The following PSG8 variants were observed in gnomAD, a reference collection of about 807,000 sequenced individuals.
The protein encoded by PSG8 is pregnancy-specific beta-1-glycoprotein 8.
In PSG8, 57 loss-of-function variants were observed where a neutral mutation model predicts 42.5. The ratio of observed to expected loss-of-function variants is 1.34; its 90% CI spans 1.08 to 1.67. The LOEUF is 1.67. Among genes scored for constraint, PSG8 ranks in the 40% most tolerant of loss-of-function variants. The pLI, the probability that PSG8 is intolerant of heterozygous loss-of-function variation, is 0.00. For missense variants in PSG8, 783 were observed against 518.6 expected, an observed-to-expected ratio of 1.51 and a Z score of -4.95; for synonymous variants, 280 against 196.8, an observed-to-expected ratio of 1.42 and a Z score of -3.54.
chr19:42,762,797 T>C (rs1970111271), intron 2 of PSG8, among the ~76,000 whole-genome samples: 1 of 152,084 alleles, frequency 6.6e-6, no homozygotes, highest in Non-Finnish European at 1.5e-5. Flanking sequence ...AGTTGACCAT[T>C]TTCTCTCACT....
At chr19:42,763,044 G>A (rs1001177191) in intron 2 of PSG8, among the ~76,000 whole-genome samples, 2 of 152,144 alleles carry the variant, frequency 1.3e-5, no homozygotes, top group African/African-American at 4.8e-5. Context: ...ATGGACAGTG[G>A]CTTTTCATGC....
chr19:42,764,429 A>C, intron 1 of PSG8, 148 bp from the exon 2 acceptor site: 1 of 1,360,210 alleles, frequency 7.4e-7, no homozygotes, highest in South Asian at 1.4e-5. Context: ...CACACACACA[A>C]AAGCGGCATG....
intron 2 of PSG8, among the ~76,000 whole-genome samples, chr19:42,759,695 T>G (rs1175759245): frequency 6.6e-6 from 1 of 152,152 alleles, no homozygotes; most frequent in Admixed American, 6.5e-5. Flanking sequence ...GTCAGGAGTT[T>G]AGACCTCATG....
At chr19:42,759,336 G>T (rs1212623282) in intron 2 of PSG8, among the ~76,000 whole-genome samples, 1 of 152,126 alleles carries the variant, frequency 6.6e-6, no homozygotes, top group Admixed American at 6.5e-5. Flanking sequence ...GGGCAATAGG[G>T]CGTTGTTCCA....
rs568411427 is a variant in PSG8, at chr19:42,765,168, T to A, written c.64+350A>T. On this transcript the variant is annotated intron_variant, in intron 1 of 4. Transcript: ENST00000306511. Reference sequence around the variant, plus strand: ...TTTCTCTTTTTTCTCTTTTTTTTTTTTTGAGATGGAGTCTCATACTGTCTC... The same window carrying A: ...TTTCTCTTTTTTCTCTTTTTTTTTTATTGAGATGGAGTCTCATACTGTCTC... Among the ~76,000 whole-genome samples, 12 of 151,784 alleles carry A rather than the reference T, an allele frequency of 7.9e-5. No individual in the cohort carries two copies. The East Asian group carries it at 2.3e-3, about 29-fold the overall frequency.
Position 42,755,055 on chromosome 19 carries a change from G to A in PSG8, c.921C>T (p.Pro307=), listed in dbSNP as rs1460387761. ...LPSVTRNETG[P]YQCEIRDQYG... is the part of the protein sequence containing the mutation. ...ATTGGTCCCTTATTTCACATTGATA[G>A]GGTCCTGTTTCATTTCTCGTGACAC... Residue 307 remains proline (P), a synonymous_variant, in exon 4 of 5, where the codon CCC becomes CCT. Coordinates refer to ENST00000306511, the MANE Select transcript of PSG8 (RefSeq NM_182707.3). 3.7e-6 allele frequency: 6 copies of A among 1,612,926 alleles called. No individual in the cohort carries two copies. Among genetic ancestry groups the A allele is most frequent in the Middle Eastern group, 1.9e-4 (1 of 5,322 alleles).
intron 2 of PSG8, among the ~76,000 whole-genome samples, chr19:42,761,596 A>G (rs1044812765): frequency 6.6e-6 from 1 of 152,078 alleles, no homozygotes; most frequent in African/African-American, 2.4e-5. Context: ...ACCTAGAGTC[A>G]GATTTAAGGG....
At position 42,755,183 on chromosome 19, in the gene PSG8, T is replaced by G; in HGVS notation, c.793A>C (p.Lys265Gln). ...KDVLNFTCEP[K>Q]SENYTYIWWL... ...CAAATGTAGGTGTAGTTCTCACTCT[T>G]AGGTTCACAGGTGAAGTTTAAGACA... is the stretch of plus-strand genomic sequence containing the variant. The change falls in exon 4 of 5, where the codon AAG (lysine) becomes CAG (glutamine). Residue 265 changes from lysine to glutamine, a missense_variant. Physicochemically the swap from Lys to Gln is moderately conservative, Grantham distance 53. Coordinates refer to ENST00000306511, the MANE Select transcript of PSG8 (RefSeq NM_182707.3). 1.2e-6 allele frequency: 2 copies of G among 1,611,896 alleles called. No individual in the cohort carries two copies. Among genetic ancestry groups the G allele is most frequent in the Non-Finnish European group, 8.5e-7 (1 of 1,179,790 alleles).
At chr19:42,753,959 T>C (rs773536028), downstream of PSG8, 2 of 596,308 alleles carry the variant, frequency 3.4e-6, no homozygotes, top group Non-Finnish European at 6.1e-6. Flanking sequence ...TGCGGTATAG[T>C]TTATTGAACT....
intron 2 of PSG8, among the ~76,000 whole-genome samples, chr19:42,763,233 G>A (rs886944026): frequency 3.3e-5 from 5 of 152,104 alleles, no homozygotes; most frequent in African/African-American, 1.2e-4. Flanking sequence ...CTGCTTCTGG[G>A]GACATTAGAC....
rs768581313 is a variant in PSG8, at chr19:42,765,546, G to C, written c.36C>G (p.Arg12=). The part of the protein sequence containing the change: ...GLLSAPPCTQ[R]ITWKGLLLTA... ...TGAGCAGGAGCCCCTTCCAGGTGAT[G>C]CGCTGTGTGCAGGGAGGGGCTGAGA... The change falls in exon 1 of 5, where the codon CGC becomes CGG. Residue 12 remains arginine, a synonymous_variant. Transcript: ENST00000306511. 8.7e-6 allele frequency: 14 copies of C among 1,611,472 alleles called. No homozygotes were observed. In the South Asian group the frequency reaches 1.5e-4, roughly 18 times the overall value.
Position 42,763,017 on chromosome 19 carries a change from G to A in PSG8, c.430+899C>T, listed in dbSNP as rs144830202. Among the ~76,000 whole-genome samples the A allele has an allele frequency of 9.4e-3, 1,426 of 152,248 alleles. 32 individuals are homozygous for A. Among genetic ancestry groups the A allele is most frequent in the African/African-American group, 0.033 (1,354 of 41,556 alleles). ...CTGTACCTCAGTTTTCTGTCAATCAGATAAGCTAAATGGCAAATGGACAGT... is the reference window on the plus strand; with the variant it reads ...CTGTACCTCAGTTTTCTGTCAATCAAATAAGCTAAATGGCAAATGGACAGT... On this transcript the variant is annotated intron_variant, in intron 2 of 4. Transcript: ENST00000306511.
chr19:42,765,575 G>A lies in PSG8; in HGVS notation c.7C>T (p.Leu3Phe), dbSNP rs757986183. Residue 3 changes from leucine to phenylalanine, a missense_variant, in exon 1 of 5, where the codon CTC (leucine) becomes TTC (phenylalanine). By Grantham distance (22) the Leu-to-Phe change is conservative. Coordinates refer to ENST00000306511, the MANE Select transcript of PSG8 (RefSeq NM_182707.3). MG[L>F]LSAPPCTQRI... Reference sequence around the variant, plus strand: ...TGTGTGCAGGGAGGGGCTGAGAGGAGCCCCATGGTCTCTGCTGTCTGTGTG... The same window carrying A: ...TGTGTGCAGGGAGGGGCTGAGAGGAACCCCATGGTCTCTGCTGTCTGTGTG... 6 of 1,610,852 alleles carry A rather than the reference G, an allele frequency of 3.7e-6. No individual in the cohort carries two copies. The highest frequency in any genetic ancestry group is 1.7e-6 in the Non-Finnish European group (2 of 1,177,984).
At position 42,764,426 on chromosome 19, in the gene PSG8, A is replaced by C. The variant is rs148518659; in HGVS notation, c.65-145T>G. 801 of 1,394,086 alleles carry C rather than the reference A, an allele frequency of 5.7e-4. 3 individuals carry two copies. In the African/African-American group the frequency reaches 7.4e-3, roughly 13 times the overall value. The allele number at this position is 1,394,086 out of a possible 1,614,324, so 86.4% of individuals were successfully genotyped here. A position where few individuals can be genotyped will look rare whatever the true frequency, so the allele number is the denominator to read the frequency against. The stretch of plus-strand genomic sequence containing the variant: ...CATACAAACACACGCACACACACAC[A>C]CAAAAGCGGCATGTGTGTCTGTGTG... On this transcript the variant is annotated intron_variant, in intron 1 of 4. Transcript: ENST00000306511.
chr19:42,765,291 TAG>T (rs1251639494), intron 1 of PSG8, among the ~76,000 whole-genome samples: 2 of 152,010 alleles, frequency 1.3e-5, no homozygotes, highest in African/African-American at 4.8e-5. Context: ...TAGCTAGGAT[TAG>T]AGGAGCACAC....
Position 42,759,638 on chromosome 19 carries a change from A to G in PSG8, c.431-1358T>C, listed in dbSNP as rs1970023860. Among the ~76,000 whole-genome samples, 2 of 152,168 alleles carry G rather than the reference A, an allele frequency of 1.3e-5. 1 individual carries two copies. Among genetic ancestry groups the G allele is most frequent in the Non-Finnish European group, 2.9e-5 (2 of 68,024 alleles). The stretch of plus-strand genomic sequence containing the variant: ...AGCATTTCAGATTGTGGATTTCTGG[A>G]TTTGGGATGCTCAATTTGTAATACT... On this transcript the variant is annotated intron_variant, in intron 2 of 4. Coordinates refer to ENST00000306511, the MANE Select transcript of PSG8 (RefSeq NM_182707.3).
chr19:42,763,510 T>C, intron 2 of PSG8, among the ~76,000 whole-genome samples: 1 of 152,170 alleles, frequency 6.6e-6, no homozygotes, highest in East Asian at 1.9e-4. Context: ...AGCAAGGATT[T>C]AGGGACACTG....
chr19:42,759,746 C>T (rs1024008911), intron 2 of PSG8, among the ~76,000 whole-genome samples: 4 of 152,096 alleles, frequency 2.6e-5, no homozygotes, highest in African/African-American at 2.4e-5. Flanking sequence ...TTGGAGGAAA[C>T]ATTAAAATGT....
At chr19:42,760,800 T>G (rs1431751054) in intron 2 of PSG8, among the ~76,000 whole-genome samples, 2 of 152,118 alleles carry the variant, frequency 1.3e-5, no homozygotes, top group African/African-American at 2.4e-5. Context: ...GCCAGGATGG[T>G]CTCTATCTCC....
Sources: allele counts gnomAD v4.1 joint callset (sites outside exome capture counted in the v4.1 genomes callset), GRCh38; gene constraint gnomAD v4.1.1; transcripts MANE v1.5; gene names NCBI Gene and HGNC (gene_info 2026-07-23, HGNC 2026-07-21).